ACBD3: variants seen among roughly 807,000 people sequenced by gnomAD.
ACBD3 encodes the protein acyl-CoA binding domain containing 3.
Under a neutral mutation model 66.9 loss-of-function variants are expected in ACBD3, and 30 were observed. That is an observed-to-expected ratio of 0.45 (90% confidence interval 0.34 to 0.61). The LOEUF (loss-of-function observed/expected upper bound fraction) is 0.61, where lower values mean the gene tolerates loss of function less well. Ranked by LOEUF, ACBD3 falls within the 20% of genes least tolerant of loss-of-function variation. The probability of loss-of-function intolerance (pLI) is 0.02; values close to 1 mark genes in which losing one functional copy is unlikely to be tolerated. For missense variants in ACBD3, 544 were observed against 664.5 expected, an observed-to-expected ratio of 0.82 and a Z score of 1.99; for synonymous variants, 278 against 259.8, an observed-to-expected ratio of 1.07 and a Z score of -0.68.
At chr1:226,149,540 T>A (rs867319554) in intron 7 of ACBD3, among the ~76,000 whole-genome samples, 23 of 110,170 alleles carry the variant, frequency 2.1e-4, no homozygotes, top group South Asian at 6.6e-4. Flanking sequence ...TTTTTTTTTT[T>A]TTTTTTTTTT....
Position 226,186,518 on chromosome 1 carries a change from GC to G in ACBD3, c.157del (p.Ala53ProfsTer58). On this transcript the variant is annotated frameshift_variant, in exon 1 of 8. Transcript: ENST00000366812. LOFTEE classifies it high-confidence loss of function. The part of the protein sequence containing the change: ...SPPGSGRGPG[A>X]SGEQPEPGEA... Reference sequence around the variant, plus strand: ...CCCGGGCTCGGGCTGCTCCCCTGAGGCGCCCGGGCCGCGACCGGATCCAGGT... The same window carrying G: ...CCCGGGCTCGGGCTGCTCCCCTGAGGGCCCGGGCCGCGACCGGATCCAGGT... 1 of 1,408,012 alleles carries G rather than the reference GC, an allele frequency of 7.1e-7. No individual in the cohort carries two copies. Among genetic ancestry groups the G allele is most frequent in the Non-Finnish European group, 9.2e-7 (1 of 1,087,170 alleles). The allele number at this position is 1,408,012 out of a possible 1,614,324, so 87.2% of individuals were successfully genotyped here.
At chr1:226,170,619 A>C (rs1366253780) in intron 1 of ACBD3, among the ~76,000 whole-genome samples, 4 of 151,958 alleles carry the variant, frequency 2.6e-5, no homozygotes, top group Non-Finnish European at 5.9e-5. Flanking sequence ...ACACACACAA[A>C]ATTTTTTTTT....
At chr1:226,165,611 A>G (rs562891341) in intron 2 of ACBD3, among the ~76,000 whole-genome samples, 2 of 152,340 alleles carry the variant, frequency 1.3e-5, no homozygotes, top group South Asian at 4.1e-4. Context: ...TTATTTGGGA[A>G]GAATCAAATG....
At chr1:226,166,989 T>C (rs1318601268) in intron 1 of ACBD3, among the ~76,000 whole-genome samples, 3 of 151,868 alleles carry the variant, frequency 2.0e-5, no homozygotes, top group Non-Finnish European at 2.9e-5. Context: ...AGAGACGATG[T>C]CTTACAATGT....
intron 1 of ACBD3, among the ~76,000 whole-genome samples, chr1:226,174,711 A>C (rs1655985261): frequency 6.6e-6 from 1 of 152,156 alleles, no homozygotes; most frequent in Non-Finnish European, 1.5e-5. Context: ...CGTTGCAGTG[A>C]GCCAAGATCG....
At chr1:226,147,871 C>G (rs1659488450) in intron 7 of ACBD3, 1 of 152,106 alleles carries the variant, frequency 6.6e-6, no homozygotes, top group Non-Finnish European at 1.5e-5. Context: ...TTAATACAAA[C>G]CAGCTCAAAG....
rs752348025 is a variant in ACBD3 at position 226,154,710 on chromosome 1, C to T, written c.1027G>A (p.Asp343Asn). The change falls in exon 6 of 8, where the codon GAC becomes AAC. Residue 343 changes from aspartate (D) to asparagine (N), a missense_variant. This residue lies in a region of ACBD3 where 383 missense variants were observed against 462.4 expected (regional missense o/e 0.83). Coordinates refer to ENST00000366812, the MANE Select transcript of ACBD3 (RefSeq NM_022735.4). Reference sequence around the variant, plus strand: ...GGTTCCAGTTCTTTTTCGGAGCTGTCAGTGTGTGTTTTGGCCTGTCCATTA... The same window carrying T: ...GGTTCCAGTTCTTTTTCGGAGCTGTTAGTGTGTGTTTTGGCCTGTCCATTA... ...SVNGQAKTHT[D>N]SSEKELEPEA... The T allele has an allele frequency of 1.9e-6, 3 of 1,613,602 alleles. No homozygotes were observed. In the African/African-American group the frequency reaches 4.0e-5, roughly 22 times the overall value.
chr1:226,185,315 G>A (rs1228151621), intron 1 of ACBD3, among the ~76,000 whole-genome samples: 4 of 152,132 alleles, frequency 2.6e-5, no homozygotes, highest in Non-Finnish European at 5.9e-5. Context: ...CACAATTAAA[G>A]TTATTTTGAG....
At chr1:226,147,919 C>T (rs796731223) in intron 7 of ACBD3, 34 of 152,254 alleles carry the variant, frequency 2.2e-4, no homozygotes, top group African/African-American at 7.9e-4. Flanking sequence ...ACAAGACTTT[C>T]GGGTTTATGG....
chr1:226,153,345 T>C (rs962449576), intron 6 of ACBD3, among the ~76,000 whole-genome samples: 4 of 152,194 alleles, frequency 2.6e-5, no homozygotes, highest in African/African-American at 9.7e-5. Context: ...TATTACTTGT[T>C]CTAAACAGAC....
chr1:226,186,203 G>A (rs1232877050), intron 1 of ACBD3, among the ~76,000 whole-genome samples, 187 bp downstream of exon 1: 1 of 152,210 alleles, frequency 6.6e-6, no homozygotes, highest in Non-Finnish European at 1.5e-5. Context: ...CGTCAGGGGT[G>A]TGACCTAGTG....
At position 226,152,357 on chromosome 1, in the gene ACBD3, G is replaced by C; in HGVS notation, c.1353C>G (p.Ser451Arg). ...TACCTTCTTCCTCCTCGTCGTCATC[G>C]CTGGACTCACTGACATGCACGCTGA... is the stretch of plus-strand genomic sequence containing the variant. ...TAVSVHVSES[S>R]DDDEEEEENI... Residue 451 changes from serine to arginine, a missense_variant, in exon 7 of 8, where the codon AGC becomes AGG. This residue lies in a region of ACBD3 where 383 missense variants were observed against 462.4 expected (regional missense o/e 0.83). Coordinates refer to ENST00000366812, the MANE Select transcript of ACBD3 (RefSeq NM_022735.4). 6.2e-7 allele frequency: 1 copy of C among 1,614,138 alleles called. No homozygotes were observed. The highest frequency in any genetic ancestry group is 1.7e-4 in the Middle Eastern group (1 of 6,048).
intron 3 of ACBD3, among the ~76,000 whole-genome samples, chr1:226,163,897 GATCACCTGAGGTC>G (rs1192054848): frequency 3.3e-4 from 50 of 152,064 alleles, no homozygotes. Flanking sequence ...CAGGCGGGTG[GATCACCTGAGGTC>G]AGGAGTTTGA....
intron 1 of ACBD3, among the ~76,000 whole-genome samples, chr1:226,173,982 CA>C (rs1317511935): frequency 2.0e-5 from 3 of 151,814 alleles, no homozygotes; most frequent in Non-Finnish European, 2.9e-5. Flanking sequence ...GGGCTAGTCT[CA>C]AAACTCCTGA....
At chr1:226,158,437 T>TAC (rs1345114170) in intron 5 of ACBD3, among the ~76,000 whole-genome samples, 1 of 152,222 alleles carries the variant, frequency 6.6e-6, no homozygotes, top group African/African-American at 2.4e-5. Flanking sequence ...GTTCACAGGG[T>TAC]AACTCTTTTC....
intron 4 of ACBD3, among the ~76,000 whole-genome samples, chr1:226,160,152 C>T (rs1217133842): frequency 4.0e-5 from 6 of 149,620 alleles, no homozygotes; most frequent in Admixed American, 6.7e-5. Flanking sequence ...AGTGCAGTGG[C>T]GTGATCTCAG....
chr1:226,150,668 C>T (rs375208096), intron 7 of ACBD3, among the ~76,000 whole-genome samples: 194 of 152,312 alleles, frequency 1.3e-3, no homozygotes, highest in African/African-American at 4.5e-3. Context: ...TGAGCCACCG[C>T]GTCCGGCCCA....
chr1:226,151,546 G>C (rs960999702), intron 7 of ACBD3, among the ~76,000 whole-genome samples: 1 of 152,154 alleles, frequency 6.6e-6, no homozygotes, highest in South Asian at 2.1e-4. Flanking sequence ...TAGCAAAATA[G>C]GGATTTCCAA....
chr1:226,154,716 G>A lies in ACBD3; in HGVS notation c.1021C>T (p.His341Tyr). The change falls in exon 6 of 8, where the codon CAC (histidine) becomes TAC (tyrosine). Residue 341 changes from histidine (H) to tyrosine (Y), a missense_variant. This residue lies in a region of ACBD3 where 383 missense variants were observed against 462.4 expected (regional missense o/e 0.83). Coordinates refer to ENST00000366812, the MANE Select transcript of ACBD3 (RefSeq NM_022735.4). The part of the protein sequence containing the change: ...MMSVNGQAKT[H>Y]TDSSEKELEP... The stretch of plus-strand genomic sequence containing the variant: ...AGTTCTTTTTCGGAGCTGTCAGTGT[G>A]TGTTTTGGCCTGTCCATTAACTGAC... The A allele has an allele frequency of 1.2e-6, 2 of 1,613,700 alleles. No individual in the cohort carries two copies. The highest frequency in any genetic ancestry group is 1.7e-6 in the Non-Finnish European group (2 of 1,179,784).
Sources: gnomAD v4.1 joint callset for allele counts (sites outside exome capture counted in the v4.1 genomes callset) on GRCh38, gnomAD v4.1.1 for gene constraint, gnomAD v4.1.1 regional missense constraint, MANE v1.5 for transcripts, NCBI Gene and HGNC (gene_info 2026-07-23, HGNC 2026-07-21) for gene names.